GFI1B: variants seen among roughly 807,000 people sequenced by gnomAD.
GFI1B encodes zinc finger protein Gfi-1b.
In GFI1B, 20 loss-of-function variants were observed where a neutral mutation model predicts 35.3. The ratio of observed to expected loss-of-function variants is 0.57; its 90% CI spans 0.40 to 0.82. The LOEUF is 0.82. Ranked by LOEUF, GFI1B falls within the 40% of genes least tolerant of loss-of-function variation. The pLI is 0.00. For missense variants in GFI1B, 430 were observed against 446.3 expected (o/e 0.96, Z 0.33); for synonymous variants, 178 against 177.6 (o/e 1.00, Z -0.02).
At chr9:132,964,469 C>CGA (rs1431748891) in intron 1 of GFI1B, among the ~76,000 whole-genome samples, 12 of 152,088 alleles carry the variant, frequency 7.9e-5, no homozygotes, top group African/African-American at 2.9e-4. Context: ...TTGTCTGAAT[C>CGA]AATTTTCAGC....
chr9:132,951,830 T>A (rs1291455663), intron 1 of GFI1B: 1 of 152,234 alleles, frequency 6.6e-6, no homozygotes, highest in Non-Finnish European at 1.5e-5. Flanking sequence ...TACAGTGGCC[T>A]GATCATAGCT....
At chr9:132,947,436 A>C (rs1381987163) in intron 1 of GFI1B, among the ~76,000 whole-genome samples, 3 of 150,792 alleles carry the variant, frequency 2.0e-5, no homozygotes, top group Non-Finnish European at 3.0e-5. Context: ...AAAAAGAAAG[A>C]AAAAGAGAAT....
intron 1 of GFI1B, among the ~76,000 whole-genome samples, chr9:132,958,694 G>A (rs997382855): frequency 6.6e-6 from 1 of 152,182 alleles, no homozygotes; most frequent in Non-Finnish European, 1.5e-5. Context: ...TATGTTGGAA[G>A]TTGAACTCAG....
At chr9:132,976,630 A>G (rs1311429920), upstream of GFI1B, 1 of 152,168 alleles carries the variant, frequency 6.6e-6, no homozygotes, top group Non-Finnish European at 1.5e-5. Context: ...TTCTGCTTCC[A>G]GTGATTTTGA....
chr9:132,982,363 C>CCTCA (rs1848857279), intron 1 of GFI1B, among the ~76,000 whole-genome samples: 1 of 152,300 alleles, frequency 6.6e-6, no homozygotes, highest in Non-Finnish European at 1.5e-5. Context: ...AACAAAGGGG[C>CCTCA]CTCATTACAG....
At chr9:132,946,106 G>T (rs1848089646) in intron 1 of GFI1B, among the ~76,000 whole-genome samples, 1 of 152,172 alleles carries the variant, frequency 6.6e-6, no homozygotes, top group Non-Finnish European at 1.5e-5. Flanking sequence ...ACCCTCCTGG[G>T]CCCTTGAGCA....
intron 1 of GFI1B, among the ~76,000 whole-genome samples, chr9:132,985,086 C>T (rs1848991162): frequency 6.6e-6 from 1 of 152,172 alleles, no homozygotes; most frequent in African/African-American, 2.4e-5. Flanking sequence ...GGGTGGGACT[C>T]CTCTGACGCC....
At chr9:132,957,391 T>G (rs1422020665) in intron 1 of GFI1B, among the ~76,000 whole-genome samples, 9 of 152,248 alleles carry the variant, frequency 5.9e-5, no homozygotes, top group Admixed American at 2.0e-4. Flanking sequence ...GAGACCATAT[T>G]GTTCTAAGCA....
chr9:132,945,818 A>G (rs773187562), intron 1 of GFI1B: 9 of 153,630 alleles, frequency 5.9e-5, no homozygotes, highest in South Asian at 2.0e-4. Flanking sequence ...TTCCAGGCAG[A>G]GGGAACCAAA....
At chr9:132,965,960 C>T (rs971642618) in intron 1 of GFI1B, among the ~76,000 whole-genome samples, 1 of 152,134 alleles carries the variant, frequency 6.6e-6, no homozygotes, top group Non-Finnish European at 1.5e-5. Context: ...ATGTAACAAA[C>T]CTGCATTTCC....
At chr9:132,987,614 G>C (rs1375298579) in intron 3 of GFI1B, among the ~76,000 whole-genome samples, 195 bp downstream of exon 3, 5 of 152,152 alleles carry the variant, frequency 3.3e-5, no homozygotes, top group African/African-American at 7.2e-5. Context: ...GGCTAGGTGG[G>C]AGAAGAGGCC....
At chr9:132,985,569 C>T (rs986977079) in intron 1 of GFI1B, among the ~76,000 whole-genome samples, 4 of 152,186 alleles carry the variant, frequency 2.6e-5, no homozygotes, top group South Asian at 4.1e-4. Flanking sequence ...TGGGCCAGGG[C>T]TGTGGACAAG....
chr9:132,979,274 T>G (rs1365272751), intron 1 of GFI1B, among the ~76,000 whole-genome samples: 4 of 106,138 alleles, frequency 3.8e-5, no homozygotes, highest in East Asian at 2.6e-4. Context: ...TTTTTTTTTT[T>G]GAGACAGAGT....
intron 1 of GFI1B, among the ~76,000 whole-genome samples, chr9:132,970,248 C>T (rs1241757549): frequency 6.6e-6 from 1 of 152,156 alleles, no homozygotes; most frequent in Admixed American, 6.5e-5. Flanking sequence ...GTCCAAGCCT[C>T]CCTGACCCAG....
At chr9:132,984,678 T>C (rs931257137) in intron 1 of GFI1B, among the ~76,000 whole-genome samples, 1 of 152,148 alleles carries the variant, frequency 6.6e-6, no homozygotes, top group Non-Finnish European at 1.5e-5. Flanking sequence ...CACCATCCCA[T>C]GTGGTTGGAT....
chr9:132,960,399 G>A (rs1009546148), intron 1 of GFI1B, among the ~76,000 whole-genome samples: 2 of 152,208 alleles, frequency 1.3e-5, no homozygotes, highest in East Asian at 3.8e-4. Context: ...TGTAGGCAAC[G>A]CAGAACCCCT....
chr9:132,957,585 A>G (rs948196238), intron 1 of GFI1B, among the ~76,000 whole-genome samples: 3 of 152,244 alleles, frequency 2.0e-5, no homozygotes, highest in African/African-American at 7.2e-5. Context: ...GATGGGAGAT[A>G]GAGAAATGCA....
chr9:132,952,538 T>G (rs574993860), intron 1 of GFI1B: 16 of 152,330 alleles, frequency 1.1e-4, no homozygotes, highest in Admixed American at 5.9e-4. Context: ...ACTCCTGGAC[T>G]CAAGTGAAAT....
Position 132,989,849 on chromosome 9 carries a change from C to G in GFI1B, c.756C>G (p.Phe252Leu). Residue 252 changes from phenylalanine (F) to leucine (L), a missense_variant, in exon 6 of 7, where the codon TTC becomes TTG. Transcript: ENST00000372122. This position sits in a 1 kb window ranked among gnomAD's most constrained non-coding sequence, Gnocchi z 6.2. The part of the protein sequence containing the change: ...HSDTRPYPCQ[F>L]CGKRFHQKSD... The stretch of plus-strand genomic sequence containing the variant: ...ACACGCGGCCCTACCCCTGCCAGTT[C>G]TGCGGCAAGCGTTTCCACCAGAAGT... The G allele has an allele frequency of 1.2e-6, 2 of 1,614,256 alleles. No individual in the cohort carries two copies. Among genetic ancestry groups the G allele is most frequent in the Non-Finnish European group, 1.7e-6 (2 of 1,180,022 alleles).
Sources: allele counts gnomAD v4.1 joint callset (sites outside exome capture counted in the v4.1 genomes callset), GRCh38; gene constraint gnomAD v4.1.1; non-coding constraint Gnocchi (gnomAD v3.1); transcripts MANE v1.5; gene names NCBI Gene and HGNC (gene_info 2026-07-23, HGNC 2026-07-21).